The following DIPK1A variants were observed in gnomAD, a reference collection of about 807,000 sequenced individuals.
DIPK1A encodes the protein family with sequence similarity 69 member A.
DIPK1A carries 27 observed loss-of-function variants against 40.8 expected under a neutral mutation model. That is an observed-to-expected ratio of 0.66 (90% confidence interval 0.49 to 0.91). DIPK1A has a LOEUF of 0.91. Ranked by LOEUF, DIPK1A falls within the 40% of genes least tolerant of loss-of-function variation. The probability of loss-of-function intolerance (pLI) is 0.00; values close to 1 mark genes in which losing one functional copy is unlikely to be tolerated. For synonymous variants in DIPK1A, 166 were observed against 171.3 expected (o/e 0.97, Z 0.24); for missense variants, 412 against 505.7 (o/e 0.81, Z 1.78).
intron 1 of DIPK1A, among the ~76,000 whole-genome samples, chr1:92,890,326 G>A (rs932917062): frequency 6.6e-6 from 1 of 152,016 alleles, no homozygotes; most frequent in African/African-American, 2.4e-5. Flanking sequence ...TTGCTTAATT[G>A]CTCTAGCTAG....
intron 1 of DIPK1A, among the ~76,000 whole-genome samples, chr1:92,882,546 T>C (rs907475660): frequency 2.6e-5 from 4 of 152,232 alleles, no homozygotes; most frequent in Middle Eastern, 3.2e-3. Context: ...GAGTTTGATG[T>C]TGATTGCTTG....
chr1:92,915,600 A>G (rs544469184), intron 1 of DIPK1A, among the ~76,000 whole-genome samples: 1 of 152,282 alleles, frequency 6.6e-6, no homozygotes, highest in South Asian at 2.1e-4. Context: ...TTTCCTATTT[A>G]ACAAGCACTG....
chr1:92,835,775 GT>G (rs1268691764), intron 4 of DIPK1A, among the ~76,000 whole-genome samples: 1 of 151,592 alleles, frequency 6.6e-6, no homozygotes, highest in South Asian at 2.1e-4. Flanking sequence ...ATTTTGCCTT[GT>G]TTTTATTATC....
intron 2 of DIPK1A, among the ~76,000 whole-genome samples, chr1:92,857,789 A>G (rs1378370421): frequency 6.6e-6 from 1 of 152,190 alleles, no homozygotes; most frequent in Non-Finnish European, 1.5e-5. Flanking sequence ...TACAGAGAGC[A>G]GGTTAATGGC....
rs761801766 is a variant in DIPK1A at position 92,961,407 on chromosome 1, C to T, written c.23G>A (p.Gly8Glu). The T allele has an allele frequency of 3.3e-6, 5 of 1,531,006 alleles. No individual in the cohort carries two copies. In the African/African-American group the frequency reaches 5.8e-5, roughly 18 times the overall value. 94.8% of individuals were successfully genotyped at this position (1,531,006 alleles called of 1,614,324 possible). ...GTAATAGGGTTTCCTTAGCCAGGCC[C>T]CCGGACAGAGACTCCTCGCCATGGT... MARSLCPGAWLRKPYYLQ... is the reference protein window; with the variant it reads MARSLCPEAWLRKPYYLQ... The change falls in exon 1 of 5, where the codon GGG becomes GAG. Residue 8 changes from glycine to glutamate, a missense_variant. Physicochemically the swap from Gly to Glu is moderately conservative, Grantham distance 98. Coordinates refer to ENST00000370310, the MANE Select transcript of DIPK1A (RefSeq NM_001006605.5).
chr1:92,918,575 T>C (rs567404230), intron 1 of DIPK1A, among the ~76,000 whole-genome samples: 1 of 152,212 alleles, frequency 6.6e-6, no homozygotes, highest in Non-Finnish European at 1.5e-5. Flanking sequence ...AAGCCAAAAA[T>C]CAGGTTGTCT....
chr1:92,884,499 T>C (rs1648514706), intron 1 of DIPK1A, among the ~76,000 whole-genome samples: 2 of 151,826 alleles, frequency 1.3e-5, no homozygotes, highest in South Asian at 2.1e-4. Flanking sequence ...ATGGATATAA[T>C]AGAATTCATA....
At chr1:92,915,679 A>G (rs1228072855) in intron 1 of DIPK1A, among the ~76,000 whole-genome samples, 1 of 152,190 alleles carries the variant, frequency 6.6e-6, no homozygotes, top group Non-Finnish European at 1.5e-5. Flanking sequence ...TTGGGATGTA[A>G]AATAGTGCAG....
intron 1 of DIPK1A, among the ~76,000 whole-genome samples, chr1:92,941,259 T>TAATA (rs2100891450): frequency 6.6e-6 from 1 of 152,364 alleles, no homozygotes; most frequent in African/African-American, 2.4e-5. Context: ...TTTGTTTTTA[T>TAATA]AACTTTAAGT....
chr1:92,853,943 A>G (rs1181095939), intron 2 of DIPK1A, among the ~76,000 whole-genome samples: 1 of 152,124 alleles, frequency 6.6e-6, no homozygotes, highest in African/African-American at 2.4e-5. Context: ...CTGGAGTGCA[A>G]TGGCACAATC....
intron 1 of DIPK1A, among the ~76,000 whole-genome samples, chr1:92,897,259 T>C (rs1293896784): frequency 6.6e-6 from 1 of 152,194 alleles, no homozygotes; most frequent in Non-Finnish European, 1.5e-5. Flanking sequence ...CCAACCCAAA[T>C]GTCCATCAGT....
At chr1:92,887,044 C>A (rs746700607) in intron 1 of DIPK1A, among the ~76,000 whole-genome samples, 1 of 152,018 alleles carries the variant, frequency 6.6e-6, no homozygotes, top group Non-Finnish European at 1.5e-5. Context: ...CTCACCTTCC[C>A]TGCCTCATTG....
intron 1 of DIPK1A, among the ~76,000 whole-genome samples, chr1:92,909,996 G>A (rs1253964394): frequency 2.0e-5 from 3 of 152,094 alleles, no homozygotes; most frequent in Non-Finnish European, 4.4e-5. Flanking sequence ...AATAAATCAC[G>A]AGTGGTCAGG....
intron 1 of DIPK1A, chr1:92,876,932 A>G: frequency 1.1e-6 from 1 of 946,554 alleles, no homozygotes; most frequent in Non-Finnish European, 1.3e-6. Flanking sequence ...TAAGCTCTAC[A>G]GTCATTTCTA....
At chr1:92,918,466 T>C (rs1650140698) in intron 1 of DIPK1A, among the ~76,000 whole-genome samples, 1 of 152,216 alleles carries the variant, frequency 6.6e-6, no homozygotes, top group Non-Finnish European at 1.5e-5. Flanking sequence ...ATTTCTTTAC[T>C]GTAAACTACA....
intron 1 of DIPK1A, among the ~76,000 whole-genome samples, chr1:92,957,495 C>T (rs1203641304): frequency 6.6e-6 from 1 of 152,194 alleles, no homozygotes; most frequent in African/African-American, 2.4e-5. Flanking sequence ...AGATGCCTTG[C>T]CATGAGAAGC....
downstream of DIPK1A, chr1:92,841,721 C>A (rs758657195): frequency 1.6e-5 from 20 of 1,230,436 alleles, no homozygotes; most frequent in Non-Finnish European, 2.3e-5. Context: ...ATATTCTATT[C>A]TCTTCAGTTA....
intron 1 of DIPK1A, among the ~76,000 whole-genome samples, chr1:92,910,163 C>G (rs1040989684): frequency 1.3e-5 from 2 of 152,112 alleles, no homozygotes; most frequent in Admixed American, 6.6e-5. Flanking sequence ...CAGTACTTTG[C>G]TATTAAAATT....
chr1:92,840,629 A>G (rs760302814), downstream of DIPK1A: 2 of 1,608,784 alleles, frequency 1.2e-6, no homozygotes, highest in Admixed American at 3.3e-5. Context: ...GAAAGAAGTT[A>G]AAAAGAAGAG....
Sources: gnomAD v4.1 joint callset for allele counts (sites outside exome capture counted in the v4.1 genomes callset) on GRCh38, gnomAD v4.1.1 for gene constraint, MANE v1.5 for transcripts, NCBI Gene and HGNC (gene_info 2026-07-23, HGNC 2026-07-21) for gene names.